USP14: variants seen among roughly 807,000 people sequenced by gnomAD.
USP14 encodes the protein ubiquitin specific peptidase 14, also known as ubiquitin carboxyl-terminal hydrolase 14.
USP14 carries 38 observed loss-of-function variants against 76.5 expected under a neutral mutation model. The ratio of observed to expected loss-of-function variants is 0.50; its 90% CI spans 0.38 to 0.65. The LOEUF is 0.65. USP14 is among the 30% of genes least tolerant of loss of function. The pLI, the probability that USP14 is intolerant of heterozygous loss-of-function variation, is 0.00. For missense variants in USP14, 467 were observed against 586.5 expected (o/e 0.80, Z 2.10); for synonymous variants, 192 against 191.7 (o/e 1.00, Z -0.01).
chr18:168,166 TC>T (rs1252796560), intron 3 of USP14, among the ~76,000 whole-genome samples: 1 of 152,060 alleles, frequency 6.6e-6, no homozygotes, highest in Non-Finnish European at 1.5e-5. Flanking sequence ...CCTCAGGTGA[TC>T]CGCCCACCTT....
rs148846817 is a variant in USP14, at chr18:209,703, T to G, written c.1165-268T>G. Among the ~76,000 whole-genome samples, 814 of 152,340 alleles carry G rather than the reference T, an allele frequency of 5.3e-3. 8 individuals are homozygous for G. Among genetic ancestry groups the G allele is most frequent in the African/African-American group, 0.019 (773 of 41,578 alleles). On this transcript the variant is annotated intron_variant, in intron 13 of 15. Transcript: ENST00000261601. ...TTAACTGTACTGCTGTATTCACTGG[T>G]ACGCTTTCACTTTAATGGTTTAAAA...
At chr18:171,601 A>G (rs1909465909) in intron 3 of USP14, among the ~76,000 whole-genome samples, 1 of 152,216 alleles carries the variant, frequency 6.6e-6, no homozygotes, top group South Asian at 2.1e-4. Flanking sequence ...TTTGAGAGAC[A>G]TAAACGAGAT....
At chr18:197,024 C>T (rs1485056108) in intron 7 of USP14, among the ~76,000 whole-genome samples, 2 of 152,194 alleles carry the variant, frequency 1.3e-5, no homozygotes, top group African/African-American at 4.8e-5. Context: ...TTGTTCAGTA[C>T]TCCCTAGTGA....
chr18:158,681 C>T lies in USP14; in HGVS notation c.-18C>T. Reference sequence around the variant, plus strand: ...AGGCCCAGCTCTCCTGCGCCGCCGCCTCCCGCCGCGCCCCGCCATGCCGCT... The same window carrying T: ...AGGCCCAGCTCTCCTGCGCCGCCGCTTCCCGCCGCGCCCCGCCATGCCGCT... On this transcript the variant is annotated 5_prime_UTR_variant, in exon 1 of 16. Coordinates refer to ENST00000261601, the MANE Select transcript of USP14 (RefSeq NM_005151.4). 1 of 1,521,166 alleles carries T rather than the reference C, an allele frequency of 6.6e-7. No individual in the cohort carries two copies. 94.2% of individuals were successfully genotyped at this position (1,521,166 alleles called of 1,614,324 possible).
chr18:173,678 C>T (rs1224224731), intron 3 of USP14, among the ~76,000 whole-genome samples: 3 of 152,210 alleles, frequency 2.0e-5, no homozygotes, highest in Admixed American at 6.5e-5. Flanking sequence ...CCACCTCGGC[C>T]TCCCAAAGTG....
intron 13 of USP14, among the ~76,000 whole-genome samples, chr18:205,915 G>A (rs574691439): frequency 4.6e-5 from 7 of 152,322 alleles, no homozygotes; most frequent in African/African-American, 1.7e-4. Flanking sequence ...TTGCTGATCA[G>A]TATTCCCTGG....
rs1910430395 is a variant in USP14 at position 203,200 on chromosome 18, G to A, written c.1035+10G>A. 6.2e-7 allele frequency: 1 copy of A among 1,601,812 alleles called. No individual in the cohort carries two copies. Among genetic ancestry groups the A allele is most frequent in the African/African-American group, 1.3e-5 (1 of 74,400 alleles). On this transcript the variant is annotated intron_variant, in intron 12 of 15. Coordinates refer to ENST00000261601, the MANE Select transcript of USP14 (RefSeq NM_005151.4). ...TGCCAAAGTTCTTAAGGTTAGTAAT[G>A]AACTTTACTTTGTATAAGAAATGTA...
chr18:180,735 G>C (rs867616085), intron 5 of USP14, among the ~76,000 whole-genome samples: 1,592 of 151,542 alleles, frequency 0.011, 16 homozygotes, highest in Admixed American at 0.019. Context: ...GGTTCATTCA[G>C]GTTACAGCAC....
At chr18:198,000 A>C in intron 8 of USP14, 47 bp from the exon 9 acceptor site, 1 of 1,491,542 alleles carries the variant, frequency 6.7e-7, no homozygotes, top group Non-Finnish European at 9.1e-7. Context: ...AAGAAAATCT[A>C]CATTAATATT....
In USP14 at chr18:199,195, T is replaced by C. The variant is rs1910320884; in HGVS notation, c.762-7T>C. ...CGTTGGCATATTCCTTATCTTAGTT[T>C]ACAAAGCATGAAATGTACAGAATCT... On this transcript the variant is annotated splice_polypyrimidine_tract_variant and splice_region_variant and intron_variant, in intron 9 of 15. Coordinates refer to ENST00000261601, the MANE Select transcript of USP14 (RefSeq NM_005151.4). 1.9e-6 allele frequency: 3 copies of C among 1,596,632 alleles called. No homozygotes were observed.
chr18:190,447 A>G (rs1276821635), intron 5 of USP14, among the ~76,000 whole-genome samples: 3 of 152,166 alleles, frequency 2.0e-5, no homozygotes, highest in South Asian at 2.1e-4. Context: ...TGTGCTTTCC[A>G]TCTGTTCCAC....
chr18:164,059 A>G (rs552023147), intron 2 of USP14, among the ~76,000 whole-genome samples: 2 of 152,312 alleles, frequency 1.3e-5, no homozygotes, highest in East Asian at 3.9e-4. Flanking sequence ...GCATCATTTA[A>G]ATTTTATTTT....
intron 3 of USP14, among the ~76,000 whole-genome samples, chr18:169,856 T>G (rs1310301737): frequency 6.6e-6 from 1 of 152,138 alleles, no homozygotes; most frequent in Non-Finnish European, 1.5e-5. Flanking sequence ...ACTTTTGTAA[T>G]TGTTTTGGGG....
At chr18:158,751 A>G (rs1481972812) in intron 1 of USP14, 37 bp downstream of exon 1, 16 of 1,472,022 alleles carry the variant, frequency 1.1e-5, no homozygotes, top group Admixed American at 2.4e-5. Context: ...AGCACACCGG[A>G]CCGGCGCTAG....
At chr18:170,200 A>G (rs920189697) in intron 3 of USP14, among the ~76,000 whole-genome samples, 1 of 152,098 alleles carries the variant, frequency 6.6e-6, no homozygotes, top group African/African-American at 2.4e-5. Flanking sequence ...GCTATTCGGG[A>G]GGCTGAGGCA....
At chr18:172,375 C>G (rs1015932747) in intron 3 of USP14, among the ~76,000 whole-genome samples, 2 of 151,736 alleles carry the variant, frequency 1.3e-5, no homozygotes, top group Non-Finnish European at 2.9e-5. Context: ...GACTCTACTC[C>G]TAGTGAAGAA....
At chr18:193,644 G>C (rs1339254268) in intron 6 of USP14, among the ~76,000 whole-genome samples, 1 of 152,042 alleles carries the variant, frequency 6.6e-6, no homozygotes, top group Non-Finnish European at 1.5e-5. Flanking sequence ...TTTCTCTCTA[G>C]ATTTGCCTAC....
Position 211,159 on chromosome 18 carries a change from A to G in USP14, c.1360A>G (p.Lys454Glu), listed in dbSNP as rs756992769. The G allele has an allele frequency of 1.9e-6, 3 of 1,613,786 alleles. No homozygotes were observed. The highest frequency in any genetic ancestry group is 1.1e-5 in the South Asian group (1 of 91,028). The change falls in exon 16 of 16, where the codon AAA becomes GAA. Residue 454 changes from lysine to glutamate, a missense_variant. Lys to Glu is a moderately conservative substitution (Grantham distance 56). Coordinates refer to ENST00000261601, the MANE Select transcript of USP14 (RefSeq NM_005151.4). The stretch of plus-strand genomic sequence containing the variant: ...TGAATGGATTAAGTTTGATGATGAC[A>G]AAGTCAGCATCGTAACACCAGAAGA... Reference protein sequence around the residue: ...QDEWIKFDDDKVSIVTPEDIL... With the variant: ...QDEWIKFDDDEVSIVTPEDIL...
chr18:185,226 C>G (rs911490339), intron 5 of USP14, among the ~76,000 whole-genome samples: 5 of 152,058 alleles, frequency 3.3e-5, no homozygotes, highest in African/African-American at 1.2e-4. Context: ...GTGGTGCGAT[C>G]TCAGCTCACT....
Sources: gnomAD v4.1 joint callset for allele counts (sites outside exome capture counted in the v4.1 genomes callset) on GRCh38, gnomAD v4.1.1 for gene constraint, MANE v1.5 for transcripts, NCBI Gene and HGNC (gene_info 2026-07-23, HGNC 2026-07-21) for gene names.